Variants in SETD3 observed in about 807,000 individuals in gnomAD.
SETD3 encodes the protein actin-histidine N-methyltransferase.
A neutral mutation model predicts 63.0 loss-of-function variants in SETD3; 19 were observed. That is an observed-to-expected ratio of 0.30 (90% CI 0.21 to 0.44). The LOEUF (loss-of-function observed/expected upper bound fraction) is 0.44. SETD3 is among the 20% of genes least tolerant of loss of function. The pLI is 1.00. For synonymous variants in SETD3, 286 were observed against 264.1 expected (o/e 1.08, Z -0.80); for missense variants, 587 against 728.5 (o/e 0.81, Z 2.24).
At chr14:99,449,960 A>C (rs1595229847) in intron 6 of SETD3, among the ~76,000 whole-genome samples, 3 of 152,346 alleles carry the variant, frequency 2.0e-5, no homozygotes, top group African/African-American at 7.2e-5. Flanking sequence ...GTGATACCTC[A>C]CACTTAAGAT....
intron 10 of SETD3, 116 bp from the exon 11 acceptor site, chr14:99,404,426 A>G (rs1247461916): frequency 4.5e-6 from 4 of 887,474 alleles, no homozygotes; most frequent in Non-Finnish European, 7.2e-6. Context: ...CTGAGCTGGA[A>G]TGGGTCATTC....
chr14:99,485,604 C>T (rs1896465114), upstream of SETD3, among the ~76,000 whole-genome samples: 1 of 152,114 alleles, frequency 6.6e-6, no homozygotes, highest in Non-Finnish European at 1.5e-5. Flanking sequence ...TTTTCATTCT[C>T]CTTTATGCTG....
rs1456149895 is a variant in SETD3, at chr14:99,400,040, C to T, written c.1338+59G>A. ...ACAGGCGTGAGCCACCGCACCAAGC[C>T]TCATTAAACATCTTAACAACACAAC... is the stretch of plus-strand genomic sequence containing the variant. On this transcript the variant is annotated intron_variant, in intron 12 of 12. Coordinates refer to ENST00000331768, the MANE Select transcript of SETD3 (RefSeq NM_032233.3). 2.7e-6 allele frequency: 4 copies of T among 1,480,280 alleles called. No homozygotes were observed. The African/African-American group carries it at 5.7e-5, about 21-fold the overall frequency. The allele number at this position is 1,480,280 out of a possible 1,614,324, so 91.7% of individuals were successfully genotyped here.
At chr14:99,435,014 A>T (rs1210580049) in intron 6 of SETD3, among the ~76,000 whole-genome samples, 6 of 151,176 alleles carry the variant, frequency 4.0e-5, no homozygotes, top group South Asian at 2.1e-4. Flanking sequence ...CCAGCCTTTT[A>T]AAAAAAATTA....
rs187135302 is a variant in SETD3, at chr14:99,469,876, C to G, written c.-8-4063G>C. Among the ~76,000 whole-genome samples, 225 of 152,372 alleles carry G rather than the reference C, an allele frequency of 1.5e-3. 1 individual carries two copies. The highest frequency in any genetic ancestry group is 2.4e-3 in the Non-Finnish European group (163 of 68,040). ...CCAGCAGTCCTGACGAACCCTTTCA[C>G]AACCAGTCCTTCCCCCAGTAGCCCA... On this transcript the variant is annotated intron_variant, in intron 1 of 12. Coordinates refer to ENST00000331768, the MANE Select transcript of SETD3 (RefSeq NM_032233.3).
intron 6 of SETD3, among the ~76,000 whole-genome samples, chr14:99,451,015 C>T (rs1255033725): frequency 6.6e-6 from 1 of 152,164 alleles, no homozygotes; most frequent in African/African-American, 2.4e-5. Flanking sequence ...TTCACAGGGT[C>T]TATTAATTTA....
At chr14:99,465,993 GAA>G (rs370221807) in intron 1 of SETD3, among the ~76,000 whole-genome samples, 180 bp from the exon 2 acceptor site, 4 of 148,874 alleles carry the variant, frequency 2.7e-5, no homozygotes, top group Non-Finnish European at 4.5e-5. Context: ...TCTCAAATGG[GAA>G]AAAAAAAAAT....
chr14:99,426,015 TA>T (rs1892862320), intron 6 of SETD3, among the ~76,000 whole-genome samples: 1 of 152,002 alleles, frequency 6.6e-6, no homozygotes, highest in South Asian at 2.1e-4. Flanking sequence ...TATTAATCCC[TA>T]AAAAAAACTT....
chr14:99,439,992 C>T (rs995139038), intron 6 of SETD3, among the ~76,000 whole-genome samples: 1 of 151,672 alleles, frequency 6.6e-6, no homozygotes, highest in African/African-American at 2.4e-5. Context: ...AGGGTTTCGC[C>T]ATGTTGGGGT....
At chr14:99,434,847 CAAAAAAAAAAAAA>C (rs71110599) in intron 6 of SETD3, among the ~76,000 whole-genome samples, 525 of 30,488 alleles carry the variant, frequency 0.017, 11 homozygotes, top group African/African-American at 0.055. Context: ...AACTCTGCCT[CAAAAAAAAAAAAA>C]AAAAAAAAAA....
upstream of SETD3, among the ~76,000 whole-genome samples, chr14:99,481,864 C>G (rs1174279252): frequency 3.3e-5 from 5 of 152,246 alleles, no homozygotes; most frequent in African/African-American, 1.2e-4. Flanking sequence ...TTAGTCCCAA[C>G]CTTGGCTAGG....
At chr14:99,462,508 A>G (rs1369897967) in intron 3 of SETD3, among the ~76,000 whole-genome samples, 1 of 152,248 alleles carries the variant, frequency 6.6e-6, no homozygotes, top group East Asian at 1.9e-4. Flanking sequence ...GGAATATTCA[A>G]AGACGGAACT....
At chr14:99,415,132 A>G (rs895865839) in intron 6 of SETD3, among the ~76,000 whole-genome samples, 2 of 152,246 alleles carry the variant, frequency 1.3e-5, no homozygotes, top group African/African-American at 4.8e-5. Flanking sequence ...TTCACTTGCA[A>G]TAAAATGAAA....
chr14:99,459,500 TTACTGTATA>T (rs1358543386), intron 4 of SETD3, among the ~76,000 whole-genome samples: 1 of 152,192 alleles, frequency 6.6e-6, no homozygotes, highest in East Asian at 1.9e-4. Context: ...ATAAAGGCGT[TTACTGTATA>T]CTTTACTGTA....
chr14:99,469,150 A>G (rs1895558400), intron 1 of SETD3, among the ~76,000 whole-genome samples: 1 of 152,230 alleles, frequency 6.6e-6, no homozygotes, highest in Non-Finnish European at 1.5e-5. Flanking sequence ...AATTGTTCTC[A>G]AGATTTCTTT....
chr14:99,461,820 T>C lies in SETD3; in HGVS notation c.197-480A>G, dbSNP rs183150464. On this transcript the variant is annotated intron_variant, in intron 3 of 12. Transcript: ENST00000331768. ...AGCCCTGATTCTAAGAACACAAAACTGTAGAGCTGTAAGCCAGAAGGCTGT... is the reference window on the plus strand; with the variant it reads ...AGCCCTGATTCTAAGAACACAAAACCGTAGAGCTGTAAGCCAGAAGGCTGT... 9.9e-5 allele frequency among the ~76,000 whole-genome samples: 15 copies of C among 152,240 alleles called. No homozygotes were observed. The East Asian group carries it at 2.9e-3, about 29-fold the overall frequency.
At chr14:99,437,899 GT>G (rs1218234006) in intron 6 of SETD3, among the ~76,000 whole-genome samples, 1 of 152,108 alleles carries the variant, frequency 6.6e-6, no homozygotes, top group African/African-American at 2.4e-5. Context: ...CCAGCTAACT[GT>G]ACATAAGCAG....
Position 99,400,235 on chromosome 14 carries a change from C to G in SETD3, c.1202G>C (p.Gly401Ala). Residue 401 changes from glycine to alanine, a missense_variant, in exon 12 of 13, where the codon GGA becomes GCA. Coordinates refer to ENST00000331768, the MANE Select transcript of SETD3 (RefSeq NM_032233.3). ...GAAGATTCTATCAATAGCGCTGTCT[C>G]CCAGCAAGTGTTCTTTCAGTTCTTC... ...TEEELKEHLLGDSAIDRIFTL... is the reference protein window; with the variant it reads ...TEEELKEHLLADSAIDRIFTL... 3 of 1,612,604 alleles carry G rather than the reference C, an allele frequency of 1.9e-6. No homozygotes were observed. Among genetic ancestry groups the G allele is most frequent in the Non-Finnish European group, 2.5e-6 (3 of 1,179,558 alleles).
intron 6 of SETD3, among the ~76,000 whole-genome samples, chr14:99,453,238 A>G (rs1440133219): frequency 1.3e-5 from 2 of 152,232 alleles, no homozygotes; most frequent in Non-Finnish European, 2.9e-5. Flanking sequence ...ATGAGAAAAT[A>G]CGACACTTTT....
Sources: gnomAD v4.1 joint callset for allele counts (sites outside exome capture counted in the v4.1 genomes callset) on GRCh38, gnomAD v4.1.1 for gene constraint, MANE v1.5 for transcripts, NCBI Gene and HGNC (gene_info 2026-07-23, HGNC 2026-07-21) for gene names.